WWOX: variants seen among roughly 807,000 people sequenced by gnomAD.
The protein encoded by WWOX is WW domain containing oxidoreductase.
WWOX carries 69 observed loss-of-function variants against 46.2 expected under a neutral mutation model. The ratio of observed to expected loss-of-function variants is 1.49; its 90% confidence interval spans 1.23 to 1.82. The LOEUF (loss-of-function observed/expected upper bound fraction) is 1.82. Ranked by LOEUF, WWOX falls within the 40% of genes most tolerant of loss-of-function variation. WWOX has a pLI of 0.00. For synonymous variants in WWOX, 359 were observed against 202.6 expected, an observed-to-expected ratio of 1.77 and a Z score of -6.56; for missense variants, 919 against 542.6, an observed-to-expected ratio of 1.69 and a Z score of -6.89.
At chr16:78,395,758 CTTTTT>C (rs2082270617) in intron 6 of WWOX, among the ~76,000 whole-genome samples, 1 of 70,668 alleles carries the variant, frequency 1.4e-5, no homozygotes, top group African/African-American at 1.5e-4. Flanking sequence ...TTTGTTTTTT[CTTTTT>C]CTTTTTCTTT....
At chr16:79,088,987 A>G (rs531171020) in intron 8 of WWOX, among the ~76,000 whole-genome samples, 6 of 152,188 alleles carry the variant, frequency 3.9e-5, no homozygotes, top group South Asian at 2.1e-4. Flanking sequence ...GATGAACTCA[A>G]TGTACCTTGA....
At chr16:78,361,475 A>G (rs769929907) in intron 5 of WWOX, among the ~76,000 whole-genome samples, 10 of 152,084 alleles carry the variant, frequency 6.6e-5, no homozygotes, top group Non-Finnish European at 1.3e-4. Flanking sequence ...CTGACTTTCT[A>G]TTGTTGGATC....
intron 5 of WWOX, among the ~76,000 whole-genome samples, chr16:78,264,025 C>CTTTTTTTTTTTTTTTTT (rs2079308728): frequency 1.8e-4 from 4 of 22,666 alleles, no homozygotes; most frequent in South Asian, 3.1e-3. Context: ...TGTTTTTTTG[C>CTTTTTTTTTTTTTTTTT]TGTGGAGCGC....
intron 8 of WWOX, among the ~76,000 whole-genome samples, chr16:78,437,610 T>C (rs143320645): frequency 8.5e-4 from 129 of 152,286 alleles, no homozygotes; most frequent in African/African-American, 2.9e-3. Context: ...GACAAGTGTA[T>C]TGGGGCGTCC....
intron 8 of WWOX, among the ~76,000 whole-genome samples, chr16:79,168,295 G>A (rs1000617882): frequency 6.6e-6 from 1 of 152,120 alleles, no homozygotes; most frequent in African/African-American, 2.4e-5. Context: ...ACTTTTTGAT[G>A]AACTGACAAA....
intron 4 of WWOX, among the ~76,000 whole-genome samples, chr16:78,152,898 T>C (rs2034466565): frequency 1.7e-5 from 1 of 59,394 alleles, no homozygotes; most frequent in Non-Finnish European, 3.5e-5. Context: ...CTTCTTGAGT[T>C]GGTATGTTTT....
chr16:78,788,047 C>T (rs907253693), intron 8 of WWOX, among the ~76,000 whole-genome samples: 1 of 152,074 alleles, frequency 6.6e-6, no homozygotes, highest in African/African-American at 2.4e-5. Context: ...GATACTAGAC[C>T]CTTATCGTAT....
At chr16:79,154,015 G>T (rs977968117) in intron 8 of WWOX, among the ~76,000 whole-genome samples, 1 of 152,186 alleles carries the variant, frequency 6.6e-6, no homozygotes, top group African/African-American at 2.4e-5. Context: ...GGAGAAAAAG[G>T]AGCAAGGCAT....
intron 4 of WWOX, among the ~76,000 whole-genome samples, chr16:78,144,331 T>A (rs2034090190): frequency 2.0e-5 from 3 of 148,714 alleles, no homozygotes; most frequent in Non-Finnish European, 4.5e-5. Context: ...ACAGCTCACA[T>A]GGAGAGCCTT....
chr16:78,702,789 A>G (rs1181086004), intron 8 of WWOX, among the ~76,000 whole-genome samples: 1 of 152,176 alleles, frequency 6.6e-6, no homozygotes, highest in Non-Finnish European at 1.5e-5. Context: ...TTGCATGTGT[A>G]TTTGGAGAAG....
chr16:78,123,430 T>TTTTTC (rs2033193160), intron 4 of WWOX: 1 of 126,476 alleles, frequency 7.9e-6, no homozygotes, highest in Non-Finnish European at 1.6e-5. Context: ...TTTTCTTTGT[T>TTTTTC]TTTTGTTTTG....
chr16:79,208,535 T>G (rs1022123506), intron 8 of WWOX, among the ~76,000 whole-genome samples: 2 of 152,226 alleles, frequency 1.3e-5, no homozygotes, highest in Non-Finnish European at 2.9e-5. Context: ...CATTATTTCC[T>G]TTAGATGGCT....
At chr16:78,273,055 T>C (rs1567471670) in intron 5 of WWOX, among the ~76,000 whole-genome samples, 1 of 152,230 alleles carries the variant, frequency 6.6e-6, no homozygotes, top group Non-Finnish European at 1.5e-5. Flanking sequence ...TCATTCATCA[T>C]TCCTTCATTT....
Position 79,084,173 on chromosome 16 carries a change from G to C in WWOX, c.1057-127435G>C, listed in dbSNP as rs866440657. Among the ~76,000 whole-genome samples the C allele has an allele frequency of 5.3e-5, 8 of 152,232 alleles. No homozygotes were observed. The South Asian group carries it at 1.7e-3, about 32-fold the overall frequency. The stretch of plus-strand genomic sequence containing the variant: ...GGGGCCGCAGCTCTCAGGCACTCTT[G>C]GTGTTCAGAAGGCCAGCTTGAAGAA... On this transcript the variant is annotated intron_variant, in intron 8 of 8. Coordinates refer to ENST00000566780, the MANE Select transcript of WWOX (RefSeq NM_016373.4).
rs368168037 is a variant in WWOX, at chr16:78,889,050, C to G, written c.1057-322558C>G. Among the ~76,000 whole-genome samples, 6 of 152,030 alleles carry G rather than the reference C, an allele frequency of 3.9e-5. No homozygotes were observed. The East Asian group carries it at 1.2e-3, about 29-fold the overall frequency. ...TTATCCCATCCCGGCTGACTTCTTC[C>G]CTTTTACAAGAAGATGTCTCTCTTT... On this transcript the variant is annotated intron_variant, in intron 8 of 8. Transcript: ENST00000566780.
chr16:78,925,972 G>C (rs2045487831), intron 8 of WWOX, among the ~76,000 whole-genome samples: 1 of 152,208 alleles, frequency 6.6e-6, no homozygotes, highest in Non-Finnish European at 1.5e-5. Context: ...AACCAAGAGG[G>C]CAGGGAGAAG....
intron 5 of WWOX, among the ~76,000 whole-genome samples, chr16:78,366,968 CATT>C (rs1373392288): frequency 8.8e-5 from 8 of 91,088 alleles, no homozygotes; most frequent in African/African-American, 3.4e-4. Context: ...ACAAAAGTTA[CATT>C]TTTTTTTTTT....
intron 5 of WWOX, among the ~76,000 whole-genome samples, chr16:78,320,651 A>G (rs1262104039): frequency 6.6e-6 from 1 of 152,232 alleles, no homozygotes; most frequent in Non-Finnish European, 1.5e-5. Context: ...AGGGGAAGCC[A>G]AACATCTGGA....
chr16:78,909,291 G>A (rs1233797122), intron 8 of WWOX, among the ~76,000 whole-genome samples: 1 of 152,142 alleles, frequency 6.6e-6, no homozygotes, highest in Admixed American at 6.5e-5. Flanking sequence ...ACTTGTAAAT[G>A]TTGAGATGCC....
Sources: allele counts gnomAD v4.1 joint callset (sites outside exome capture counted in the v4.1 genomes callset), GRCh38; gene constraint gnomAD v4.1.1; transcripts MANE v1.5; gene names NCBI Gene and HGNC (gene_info 2026-07-23, HGNC 2026-07-21).